The following EPHB2 variants were observed in gnomAD, a reference collection of about 807,000 sequenced individuals.
EPHB2 encodes the protein ephrin type-B receptor 2.
In EPHB2, 18 loss-of-function variants were observed where a neutral mutation model predicts 96.4. That is an observed-to-expected ratio of 0.19 (90% confidence interval 0.13 to 0.28). The LOEUF is 0.28. Among genes scored for constraint, EPHB2 ranks in the 10% least tolerant of loss-of-function variants. EPHB2 has a pLI of 1.00. For synonymous variants in EPHB2, 506 were observed against 534.1 expected (o/e 0.95, Z 0.72); for missense variants, 989 against 1,355.4 (o/e 0.73, Z 4.25).
In EPHB2 at chr1:22,906,095, A is replaced by G. The variant is rs756940384; in HGVS notation, c.1874A>G (p.Gln625Arg). Residue 625 changes from glutamine to arginine, a missense_variant, in exon 10 of 16, where the codon CAG becomes CGG. Transcript: ENST00000374630. This position sits in a 1 kb window ranked among gnomAD's most constrained non-coding sequence, Gnocchi z 4.8. ...EIDISCVKIEQVIGAGEFGEV... is the reference protein window; with the variant it reads ...EIDISCVKIERVIGAGEFGEV... ...GACATCTCCTGTGTCAAAATTGAGC[A>G]GGTGATCGGAGCAGGTAGGTGGCTG... 11 of 1,614,112 alleles carry G rather than the reference A, an allele frequency of 6.8e-6. No homozygotes were observed. The highest frequency in any genetic ancestry group is 1.6e-4 in the Middle Eastern group (1 of 6,084).
chr1:22,726,443 C>T (rs1219309840), intron 1 of EPHB2, among the ~76,000 whole-genome samples: 3 of 149,640 alleles, frequency 2.0e-5, no homozygotes, highest in Admixed American at 6.7e-5. Context: ...TTTTATGAGA[C>T]GGAGTCTCGT....
intron 1 of EPHB2, among the ~76,000 whole-genome samples, chr1:22,752,867 T>C (rs1570212176): frequency 6.6e-6 from 1 of 152,102 alleles, no homozygotes; most frequent in Non-Finnish European, 1.5e-5. Flanking sequence ...TGCTGCAGCG[T>C]CAGATTACTG....
chr1:22,801,287 C>T (rs1003475211), intron 3 of EPHB2, among the ~76,000 whole-genome samples: 17 of 152,260 alleles, frequency 1.1e-4, no homozygotes, highest in Non-Finnish European at 1.6e-4. Context: ...TGTCTGTCCT[C>T]GCCAGGCCAG....
intron 3 of EPHB2, among the ~76,000 whole-genome samples, chr1:22,831,890 C>T (rs541758991): frequency 6.6e-6 from 1 of 152,156 alleles, no homozygotes; most frequent in African/African-American, 2.4e-5. Context: ...TATCCACCCC[C>T]CTACCTAGCC....
intron 3 of EPHB2, among the ~76,000 whole-genome samples, chr1:22,837,916 CT>C (rs1428542529): frequency 6.6e-6 from 1 of 152,212 alleles, no homozygotes; most frequent in Non-Finnish European, 1.5e-5. Context: ...CCTTCCCTCC[CT>C]TTCTAGGCCT....
At chr1:22,763,963 C>A (rs1644270822) in intron 1 of EPHB2, among the ~76,000 whole-genome samples, 1 of 152,146 alleles carries the variant, frequency 6.6e-6, no homozygotes, top group Non-Finnish European at 1.5e-5. Flanking sequence ...AACGCCAACC[C>A]TCCCACCCCC....
intron 1 of EPHB2, among the ~76,000 whole-genome samples, chr1:22,739,840 C>G (rs140727882): frequency 0.011 from 1,611 of 152,236 alleles, 25 homozygotes; most frequent in African/African-American, 0.037. Flanking sequence ...GAATCGTTCT[C>G]GGATTTGATG....
chr1:22,856,349 C>T (rs964523386), intron 3 of EPHB2, among the ~76,000 whole-genome samples: 2 of 152,214 alleles, frequency 1.3e-5, no homozygotes, highest in African/African-American at 4.8e-5. Flanking sequence ...AATCCTCCCT[C>T]CTTTCTTCGG....
At position 22,864,984 on chromosome 1, in the gene EPHB2, A is replaced by G. The variant is rs749943493; in HGVS notation, c.1075A>G (p.Asn359Asp). The G allele has an allele frequency of 2.5e-6, 4 of 1,609,574 alleles. No homozygotes were observed. The highest frequency in any genetic ancestry group is 3.4e-6 in the Non-Finnish European group (4 of 1,176,800). Residue 359 changes from asparagine (N) to aspartate (D), a missense_variant, in exon 5 of 16, where the codon AAC becomes GAC. Transcript: ENST00000374630. The part of the protein sequence containing the change: ...DSGGREDLVY[N>D]IICKSCGSGR... ...CGGAGGCCGAGAGGACCTCGTCTAC[A>G]ACATCATCTGCAAGAGCTGTGGCTC...
chr1:22,875,964 C>G lies in EPHB2; in HGVS notation c.1304-6395C>G, dbSNP rs552799850. ...ATAGGGCCAAGGCCCTGAGGCAGAA[C>G]AGAAAGGCTGCCAGTGTGGACAGCT... On this transcript the variant is annotated intron_variant, in intron 5 of 15. Coordinates refer to ENST00000374630, the MANE Select transcript of EPHB2 (RefSeq NM_017449.5). The surrounding 1 kb of genome is among the most constrained non-coding windows in gnomAD (Gnocchi z 4.2). Among the ~76,000 whole-genome samples the G allele has an allele frequency of 6.6e-5, 10 of 152,086 alleles. No homozygotes were observed. In the East Asian group the frequency reaches 1.9e-3, roughly 30 times the overall value.
chr1:22,788,753 GTTTT>G (rs66554696), intron 3 of EPHB2, among the ~76,000 whole-genome samples: 10 of 134,172 alleles, frequency 7.5e-5, no homozygotes, highest in Non-Finnish European at 1.1e-4. Flanking sequence ...TTTTGTTTTT[GTTTT>G]TTTTTTTTTT....
At chr1:22,889,525 G>A (rs1435902510) in intron 6 of EPHB2, among the ~76,000 whole-genome samples, 1 of 152,180 alleles carries the variant, frequency 6.6e-6, no homozygotes, top group Non-Finnish European at 1.5e-5. Flanking sequence ...AAACCTGGGG[G>A]GATCCAGAGA....
intron 3 of EPHB2, among the ~76,000 whole-genome samples, chr1:22,856,430 G>A (rs1298559694): frequency 1.3e-5 from 2 of 152,160 alleles, no homozygotes; most frequent in Non-Finnish European, 2.9e-5. Context: ...GCGCTGGCTG[G>A]CTGCTTCGAG....
chr1:22,913,755 A>G lies in EPHB2; in HGVS notation c.*185A>G, dbSNP rs1570476556. On this transcript the variant is annotated 3_prime_UTR_variant, in exon 16 of 16. Transcript: ENST00000374630. This position sits in a 1 kb window ranked among gnomAD's most constrained non-coding sequence, Gnocchi z 4.1. ...AAAACATGCAACTCAAACGACGGAA[A>G]AAAAAAGGGAATGGGAAAAAAGAAA... is the stretch of plus-strand genomic sequence containing the variant. The G allele has an allele frequency of 5.6e-6, 9 of 1,606,136 alleles. No homozygotes were observed. The East Asian group carries it at 6.7e-5, about 12-fold the overall frequency.
chr1:22,916,433 A>T lies in EPHB2; in HGVS notation c.*2863A>T, dbSNP rs1400447633. 6.6e-6 allele frequency: 1 copy of T among 152,258 alleles called. No homozygotes were observed. The highest frequency in any genetic ancestry group is 1.5e-5 in the Non-Finnish European group (1 of 68,106). The allele number at this position is 152,258 out of a possible 1,614,324, so 9.4% of individuals were successfully genotyped here. ...TACCAGACCTCTGTGTCTCCACTTC[A>T]GGGTAACAAACAGATGTCACTGTGA... is the stretch of plus-strand genomic sequence containing the variant. On this transcript the variant is annotated 3_prime_UTR_variant, in exon 16 of 16. Coordinates refer to ENST00000374630, the MANE Select transcript of EPHB2 (RefSeq NM_017449.5). This position sits in a 1 kb window ranked among gnomAD's most constrained non-coding sequence, Gnocchi z 4.2.
At chr1:22,905,460 G>A (rs1403582452) in intron 9 of EPHB2, among the ~76,000 whole-genome samples, 1 of 152,122 alleles carries the variant, frequency 6.6e-6, no homozygotes, top group Non-Finnish European at 1.5e-5. Flanking sequence ...CAGCTAGAAA[G>A]GGACCCTGGG....
intron 9 of EPHB2, among the ~76,000 whole-genome samples, chr1:22,900,720 A>G (rs1639722542): frequency 6.6e-6 from 1 of 152,184 alleles, no homozygotes; most frequent in African/African-American, 2.4e-5. Context: ...AGATCAGCAC[A>G]TTTTAAGGCC....
chr1:22,798,815 G>A (rs1482767304), intron 3 of EPHB2, among the ~76,000 whole-genome samples: 3 of 152,132 alleles, frequency 2.0e-5, no homozygotes, highest in Non-Finnish European at 4.4e-5. Context: ...AGGCTCCGAG[G>A]AGTCAAAGGA....
At position 22,896,464 on chromosome 1, in the gene EPHB2, A is replaced by G. The variant is rs1016048705; in HGVS notation, c.1751A>G (p.Tyr584Cys). 3 of 1,613,988 alleles carry G rather than the reference A, an allele frequency of 1.9e-6. No homozygotes were observed. The African/African-American group carries it at 4.0e-5, about 22-fold the overall frequency. Reference sequence around the variant, plus strand: ...GAGTACACGGACAAGCTGCAACACTACACCAGTGGCCACAGTATGTACACA... The same window carrying G: ...GAGTACACGGACAAGCTGCAACACTGCACCAGTGGCCACAGTATGTACACA... Reference protein sequence around the residue: ...DSEYTDKLQHYTSGHMTPGMK... With the variant: ...DSEYTDKLQHCTSGHMTPGMK... Residue 584 changes from tyrosine (Y) to cysteine (C), a missense_variant, in exon 9 of 16, where the codon TAC (tyrosine) becomes TGC (cysteine). By Grantham distance (194) the Tyr-to-Cys change is radical (BLOSUM62 -2). Coordinates refer to ENST00000374630, the MANE Select transcript of EPHB2 (RefSeq NM_017449.5).
Sources: gnomAD v4.1 joint callset for allele counts (sites outside exome capture counted in the v4.1 genomes callset) on GRCh38, gnomAD v4.1.1 for gene constraint, Gnocchi (gnomAD v3.1) non-coding constraint, MANE v1.5 for transcripts, NCBI Gene and HGNC (gene_info 2026-07-23, HGNC 2026-07-21) for gene names.